Variants in ME1 observed in about 807,000 individuals in gnomAD.
The protein encoded by ME1 is NADP-dependent malic enzyme.
A neutral mutation model predicts 66.4 loss-of-function variants in ME1; 74 were observed. The observed-to-expected ratio is 1.11, with a 90% CI of 0.92 to 1.35. The LOEUF (loss-of-function observed/expected upper bound fraction) is 1.35, where lower values mean the gene tolerates loss of function less well. Ranked by LOEUF, ME1 falls within the 40% of genes most tolerant of loss-of-function variation. The probability of loss-of-function intolerance (pLI) is 0.00; values close to 1 mark genes in which losing one functional copy is unlikely to be tolerated. For synonymous variants in ME1, 251 were observed against 235.6 expected (o/e 1.07, Z -0.60); for missense variants, 750 against 694.1 (o/e 1.08, Z -0.90).
intron 1 of ME1, among the ~76,000 whole-genome samples, chr6:83,426,757 C>T (rs1267170332): frequency 6.6e-6 from 1 of 152,150 alleles, no homozygotes; most frequent in Non-Finnish European, 1.5e-5. Flanking sequence ...TGGAACGTAA[C>T]TCTTAAACAT....
intron 3 of ME1, among the ~76,000 whole-genome samples, chr6:83,355,768 A>G (rs1052018767): frequency 6.6e-6 from 1 of 152,202 alleles, no homozygotes; most frequent in Non-Finnish European, 1.5e-5. Context: ...TTAATTTTCA[A>G]CATATACATA....
chr6:83,395,273 G>C (rs1157736969), intron 3 of ME1, among the ~76,000 whole-genome samples: 1 of 151,722 alleles, frequency 6.6e-6, no homozygotes, highest in Non-Finnish European at 1.5e-5. Context: ...TTTTAGTAGA[G>C]ATAGGGTTTC....
At chr6:83,411,698 C>A (rs1205688752) in intron 1 of ME1, among the ~76,000 whole-genome samples, 1 of 152,148 alleles carries the variant, frequency 6.6e-6, no homozygotes, top group Non-Finnish European at 1.5e-5. Flanking sequence ...CAGGTTCTAA[C>A]TGTCATTTGA....
chr6:83,354,899 A>T (rs1768860737), intron 3 of ME1, among the ~76,000 whole-genome samples: 1 of 152,210 alleles, frequency 6.6e-6, no homozygotes, highest in Admixed American at 6.5e-5. Context: ...AAGCACAGAA[A>T]ACATGAAATA....
chr6:83,407,560 C>T (rs1478521514), intron 2 of ME1, among the ~76,000 whole-genome samples: 6 of 152,128 alleles, frequency 3.9e-5, no homozygotes, highest in Admixed American at 6.5e-5. Flanking sequence ...TGTCTGAGCA[C>T]GCAGTTTAGA....
intron 3 of ME1, among the ~76,000 whole-genome samples, chr6:83,375,477 C>A (rs1383956668): frequency 2.0e-5 from 3 of 152,098 alleles, no homozygotes; most frequent in African/African-American, 7.2e-5. Flanking sequence ...TGCTTACCAG[C>A]TTAAGGAACT....
intron 6 of ME1, among the ~76,000 whole-genome samples, chr6:83,307,005 T>C (rs1170615345): frequency 6.6e-6 from 1 of 152,120 alleles, no homozygotes; most frequent in East Asian, 1.9e-4. Flanking sequence ...TTGTAAACCA[T>C]GTTCAGAATG....
rs140716991 is a variant in ME1, at chr6:83,269,902, T to C, written c.705-16164A>G. Among the ~76,000 whole-genome samples the C allele has an allele frequency of 1.1e-4, 16 of 152,332 alleles. No individual in the cohort carries two copies. In the East Asian group the frequency reaches 2.9e-3, roughly 28 times the overall value. Reference sequence around the variant, plus strand: ...AAAAATAAAAGTCTTCATTAACTTCTAAAAATATCTTTGTCTCATTCCAAA... The same window carrying C: ...AAAAATAAAAGTCTTCATTAACTTCCAAAAATATCTTTGTCTCATTCCAAA... On this transcript the variant is annotated intron_variant, in intron 6 of 13. Coordinates refer to ENST00000369705, the MANE Select transcript of ME1 (RefSeq NM_002395.6).
intron 3 of ME1, among the ~76,000 whole-genome samples, chr6:83,356,612 C>T (rs1002995804): frequency 1.3e-5 from 2 of 152,048 alleles, no homozygotes; most frequent in Non-Finnish European, 2.9e-5. Context: ...AGAAAATGAT[C>T]TAACAGGTAA....
At chr6:83,253,581 C>T (rs1426513210) in intron 7 of ME1, 48 bp downstream of exon 7, 1 of 918,824 alleles carries the variant, frequency 1.1e-6, no homozygotes, top group Non-Finnish European at 1.8e-6. Flanking sequence ...CAATTATGAA[C>T]TAATTTCAGA....
At chr6:83,350,925 C>A (rs1768788555) in intron 4 of ME1, among the ~76,000 whole-genome samples, 1 of 132,500 alleles carries the variant, frequency 7.5e-6, no homozygotes, top group South Asian at 2.3e-4. Context: ...ATAACATGGT[C>A]CTGTTGATAG....
At chr6:83,285,546 G>C (rs1767380341) in intron 6 of ME1, among the ~76,000 whole-genome samples, 1 of 152,190 alleles carries the variant, frequency 6.6e-6, no homozygotes, top group Admixed American at 6.5e-5. Flanking sequence ...GAAAGCCACT[G>C]TAAGATATGC....
rs1450626629 is a variant in ME1 at position 83,407,884 on chromosome 6, C to T, written c.96G>A (p.Leu32=). The T allele has an allele frequency of 4.3e-6, 7 of 1,611,440 alleles. No homozygotes were observed. Among genetic ancestry groups the T allele is most frequent in the African/African-American group, 1.3e-5 (1 of 74,782 alleles). Residue 32 remains leucine, a synonymous_variant, in exon 2 of 14, where the codon CTG becomes CTA. Coordinates refer to ENST00000369705, the MANE Select transcript of ME1 (RefSeq NM_002395.6). Reference sequence around the variant, plus strand: ...GAATGTTCAATTGCTGTCTCTCTTCCAGGGTAAAGGCCAAGTCCTATAGAG... The same window carrying T: ...GAATGTTCAATTGCTGTCTCTCTTCTAGGGTAAAGGCCAAGTCCTATAGAG... ...PHLNKDLAFT[L]EERQQLNIHG... is the part of the protein sequence containing the mutation.
In ME1 at chr6:83,211,076, G is replaced by A. The variant is rs1789861839; in HGVS notation, c.*848C>T. The A allele has an allele frequency of 6.6e-6, 1 of 152,152 alleles. No individual in the cohort carries two copies. The highest frequency in any genetic ancestry group is 6.6e-5 in the Admixed American group (1 of 15,262). 9.4% of individuals were successfully genotyped at this position (152,152 alleles called of 1,614,324 possible). A position where few individuals can be genotyped will look rare whatever the true frequency, so the allele number is the denominator to read the frequency against. ...AGATCTTTAAGAGGTCAGTTCCTCA[G>A]GCAGCCCTTTCTCAAGGATCTTAAC... On this transcript the variant is annotated 3_prime_UTR_variant, in exon 14 of 14. Coordinates refer to ENST00000369705, the MANE Select transcript of ME1 (RefSeq NM_002395.6).
chr6:83,233,118 T>C (rs1224232314), intron 9 of ME1, among the ~76,000 whole-genome samples: 1 of 152,150 alleles, frequency 6.6e-6, no homozygotes, highest in Non-Finnish European at 1.5e-5. Context: ...TGGTTTGTTT[T>C]GTGGCTTCTT....
At chr6:83,300,610 C>CTTTTTTTTTTTTTTTTTTTTTT (rs35205380) in intron 6 of ME1, among the ~76,000 whole-genome samples, 1 of 84,990 alleles carries the variant, frequency 1.2e-5, no homozygotes, top group African/African-American at 4.6e-5. Flanking sequence ...TTCTTTCTTT[C>CTTTTTTTTTTTTTTTTTTTTTT]TTTTTTTTTT....
intron 4 of ME1, 81 bp from the exon 5 acceptor site, chr6:83,346,415 C>T (rs1583393148): frequency 3.5e-6 from 3 of 868,260 alleles, no homozygotes; most frequent in East Asian, 6.0e-5. Flanking sequence ...TCTGAAGTTA[C>T]TACTAGTGAA....
intron 1 of ME1, among the ~76,000 whole-genome samples, chr6:83,413,182 G>C (rs2128552628): frequency 6.6e-6 from 1 of 152,256 alleles, no homozygotes; most frequent in Admixed American, 6.5e-5. Flanking sequence ...AATTGTGTTT[G>C]TATTTTTTGG....
At chr6:83,299,549 G>C (rs1767673701) in intron 6 of ME1, among the ~76,000 whole-genome samples, 1 of 152,138 alleles carries the variant, frequency 6.6e-6, no homozygotes, top group African/African-American at 2.4e-5. Context: ...TTTGCAAGCA[G>C]AGATAATTTG....
Sources: allele counts gnomAD v4.1 joint callset (sites outside exome capture counted in the v4.1 genomes callset), GRCh38; gene constraint gnomAD v4.1.1; transcripts MANE v1.5; gene names NCBI Gene and HGNC (gene_info 2026-07-23, HGNC 2026-07-21).